NFIB: variants seen among roughly 807,000 people sequenced by gnomAD.
NFIB encodes nuclear factor 1 B-type.
In NFIB, 11 loss-of-function variants were observed where a neutral mutation model predicts 61.5. The ratio of observed to expected loss-of-function variants is 0.18; its 90% CI spans 0.11 to 0.30. NFIB has a LOEUF of 0.30. NFIB is among the 10% of genes least tolerant of loss of function. The probability of loss-of-function intolerance (pLI) is 1.00; values close to 1 mark genes in which losing one functional copy is unlikely to be tolerated. For synonymous variants in NFIB, 260 were observed against 216.5 expected (o/e 1.20, Z -1.76); for missense variants, 471 against 608.9 (o/e 0.77, Z 2.38).
chr9:14,347,224 G>C (rs1373577606), intron 1 of NFIB: 1 of 152,134 alleles, frequency 6.6e-6, no homozygotes, highest in Non-Finnish European at 1.5e-5. Context: ...GCAGTTCCCC[G>C]CCGAAAGCGA....
chr9:14,088,313 C>G lies in NFIB; in HGVS notation c.1481G>C (p.Gly494Ala). The change falls in exon 11 of 11, where the codon GGC becomes GCC. Residue 494 changes from glycine (G) to alanine (A), a missense_variant. Gly to Ala is a moderately conservative substitution (Grantham distance 60). Transcript: ENST00000380953. ...FLHQQQSWYLG is the reference protein window; with the variant it reads ...FLHQQQSWYLA ...GACACTTGGAAAGGAACCAAGCTAG[C>G]CCAGGTACCAGGACTGTTGAGAGGA... 6.3e-7 allele frequency: 1 copy of G among 1,597,212 alleles called. No homozygotes were observed. The highest frequency in any genetic ancestry group is 8.6e-7 in the Non-Finnish European group (1 of 1,169,464).
chr9:14,296,038 C>G (rs2059423411), intron 2 of NFIB, among the ~76,000 whole-genome samples: 1 of 152,186 alleles, frequency 6.6e-6, no homozygotes, highest in Non-Finnish European at 1.5e-5. Flanking sequence ...AGAGTTTTCA[C>G]TAACAAATAT....
intron 3 of NFIB, among the ~76,000 whole-genome samples, chr9:14,156,241 TGAAA>T (rs1226988018): frequency 4.6e-5 from 7 of 151,654 alleles, no homozygotes; most frequent in African/African-American, 1.5e-4. Context: ...AAGCGAAAAA[TGAAA>T]GAAAGAAAAA....
At chr9:14,353,481 T>A (rs1245378614) in intron 1 of NFIB, among the ~76,000 whole-genome samples, 1 of 152,092 alleles carries the variant, frequency 6.6e-6, no homozygotes, top group East Asian at 1.9e-4. Flanking sequence ...CCCTGCACCC[T>A]GAGAATCTGA....
chr9:14,423,557 G>T, the NFIB span, among the ~76,000 whole-genome samples: 4 of 152,064 alleles, frequency 2.6e-5, no homozygotes, highest in East Asian at 7.7e-4. Flanking sequence ...AGGGTCACTG[G>T]GCCCATTATC....
At chr9:14,412,076 C>G in the NFIB span, among the ~76,000 whole-genome samples, 112,473 of 152,146 alleles carry the variant, frequency 0.74, 41,951 homozygotes, top group Admixed American at 0.81. Context: ...GATTGACTTT[C>G]AGCCAGAACC....
intron 8 of NFIB, among the ~76,000 whole-genome samples, chr9:14,117,675 C>A (rs1017283919): frequency 2.0e-5 from 3 of 152,078 alleles, no homozygotes; most frequent in African/African-American, 7.2e-5. Flanking sequence ...AAATGGACTT[C>A]CTGAATATCC....
intron 2 of NFIB, among the ~76,000 whole-genome samples, chr9:14,268,001 G>A (rs2057336926): frequency 6.6e-6 from 1 of 151,954 alleles, no homozygotes; most frequent in East Asian, 1.9e-4. Context: ...GCATGATGGC[G>A]GGTGCCTGTA....
At chr9:14,125,566 G>GTC (rs1563810123) in intron 7 of NFIB, 66 bp downstream of exon 7, 7 of 1,585,994 alleles carry the variant, frequency 4.4e-6, no homozygotes, top group Non-Finnish European at 8.6e-7. Flanking sequence ...CTTTTGCTCC[G>GTC]TCCCTAAGGG....
chr9:14,096,005 TATG>T (rs1383013394), intron 10 of NFIB, among the ~76,000 whole-genome samples: 2 of 152,186 alleles, frequency 1.3e-5, no homozygotes, highest in African/African-American at 2.4e-5. Context: ...TTATGTTTAT[TATG>T]ATATTTATTC....
At chr9:14,304,307 G>A (rs2059908030) in intron 2 of NFIB, among the ~76,000 whole-genome samples, 2 of 152,352 alleles carry the variant, frequency 1.3e-5, no homozygotes, top group South Asian at 4.1e-4. Flanking sequence ...GGTCAACAAT[G>A]AAACTTTAGT....
At chr9:14,529,419 A>G in the NFIB span, among the ~76,000 whole-genome samples, 1 of 152,206 alleles carries the variant, frequency 6.6e-6, no homozygotes, top group African/African-American at 2.4e-5. Context: ...CAAAGAGCCC[A>G]GAGTTATTAT....
chr9:14,409,196 G>C, the NFIB span, among the ~76,000 whole-genome samples: 1 of 152,138 alleles, frequency 6.6e-6, no homozygotes, highest in Admixed American at 6.5e-5. Flanking sequence ...ACTAGGAAGT[G>C]ATGAGTTTTG....
At chr9:14,423,046 C>T in the NFIB span, among the ~76,000 whole-genome samples, 1 of 152,096 alleles carries the variant, frequency 6.6e-6, no homozygotes, top group East Asian at 1.9e-4. Context: ...ATTTCTATCT[C>T]TATTAGACCC....
chr9:14,521,547 A>G, the NFIB span, among the ~76,000 whole-genome samples: 1 of 150,900 alleles, frequency 6.6e-6, no homozygotes, highest in Non-Finnish European at 1.5e-5. Flanking sequence ...TTGTTATTTA[A>G]TAATAAGATA....
chr9:14,150,382 C>T, intron 4 of NFIB, 117 bp from the exon 5 acceptor site: 8 of 1,525,676 alleles, frequency 5.2e-6, no homozygotes, highest in Admixed American at 1.9e-5. Context: ...ACTTTCTTCA[C>T]CTTAAGCCTC....
At chr9:14,137,144 C>T (rs1726431949) in intron 6 of NFIB, among the ~76,000 whole-genome samples, 1 of 152,126 alleles carries the variant, frequency 6.6e-6, no homozygotes, top group Non-Finnish European at 1.5e-5. Flanking sequence ...TGCTACATCC[C>T]TAGTCATTTA....
At chr9:14,097,059 C>T (rs931538411) in intron 10 of NFIB, among the ~76,000 whole-genome samples, 1 of 152,080 alleles carries the variant, frequency 6.6e-6, no homozygotes, top group Non-Finnish European at 1.5e-5. Context: ...AGATGTTGTG[C>T]GTCCGTGAAA....
At chr9:14,388,334 C>A (rs2061574201) in intron 1 of NFIB, among the ~76,000 whole-genome samples, 1 of 110,018 alleles carries the variant, frequency 9.1e-6, no homozygotes, top group South Asian at 3.1e-4. Context: ...GTGATGACGC[C>A]ACAGAATGAG....
Sources: gnomAD v4.1 joint callset for allele counts (sites outside exome capture counted in the v4.1 genomes callset) on GRCh38, gnomAD v4.1.1 for gene constraint, MANE v1.5 for transcripts, NCBI Gene and HGNC (gene_info 2026-07-23, HGNC 2026-07-21) for gene names.